The following USP26 variants were observed in gnomAD, a reference collection of about 807,000 sequenced individuals.
USP26 encodes ubiquitin carboxyl-terminal hydrolase 26.
For missense variants in USP26, 649 were observed against 642.3 expected (o/e 1.01, Z -0.11); for synonymous variants, 236 against 240.6 (o/e 0.98, Z 0.18).
chrX:133,060,894 T>C (rs1289665142), intron 5 of USP26, among the ~76,000 whole-genome samples: 1 of 111,962 alleles, frequency 8.9e-6, no homozygotes, highest in Admixed American at 9.5e-5. Flanking sequence ...AGCAAAACTT[T>C]GAATCTTCAG....
chrX:133,028,179 G>A lies in USP26; in HGVS notation c.42C>T (p.Asn14=). ...LFLRGFVQIG[N]CKTGISKSKE... ...TTGACTTAGATATCCCAGTCTTGCA[G>A]TTCCCTATTTGGACAAAACCACGTA... Residue 14 remains asparagine, a synonymous_variant, in exon 6 of 6, where the codon AAC becomes AAT. Transcript: ENST00000511190. The A allele has an allele frequency of 8.3e-7, 1 of 1,209,919 alleles. No individual in the cohort carries two copies. Among genetic ancestry groups the A allele is most frequent in the Non-Finnish European group, 1.1e-6 (1 of 893,980 alleles).
intron 5 of USP26, among the ~76,000 whole-genome samples, chrX:133,064,843 C>G (rs1021545041): frequency 9.0e-6 from 1 of 111,304 alleles, no homozygotes; most frequent in African/African-American, 3.3e-5. Context: ...CAAGCAAATA[C>G]AAAATCTAGC....
intron 5 of USP26, among the ~76,000 whole-genome samples, chrX:133,073,128 T>G (rs939645776): frequency 8.1e-5 from 9 of 111,016 alleles, no homozygotes; most frequent in African/African-American, 2.9e-4. Context: ...ATACTAATTG[T>G]AGCTTTTATT....
intron 5 of USP26, among the ~76,000 whole-genome samples, chrX:133,080,340 G>A (rs1211787014): frequency 9.0e-6 from 1 of 111,296 alleles, no homozygotes; most frequent in East Asian, 2.8e-4. Flanking sequence ...ACAAATGTAA[G>A]GAATTAAAAT....
At chrX:133,035,059 G>T (rs2067391457) in intron 5 of USP26, among the ~76,000 whole-genome samples, 1 of 111,429 alleles carries the variant, frequency 9.0e-6, no homozygotes, top group South Asian at 3.8e-4. Context: ...TGATAGTAGA[G>T]TATGAGAGTC....
rs780857859 is a variant in USP26, at chrX:133,048,774, C to T, written c.-76-20478G>A. On this transcript the variant is annotated intron_variant, in intron 5 of 5. Coordinates refer to ENST00000511190, the MANE Select transcript of USP26 (RefSeq NM_031907.3). ...TGTTAGCCAGGATGGTCTCGATCTC[C>T]TGACCTCATGATCTGCCCGCCTTGG... Among the ~76,000 whole-genome samples the T allele has an allele frequency of 4.6e-5, 5 of 108,742 alleles. No individual in the cohort carries two copies. In the East Asian group the frequency reaches 1.2e-3, roughly 25 times the overall value. The allele number at this position is 108,742 out of a possible 115,157, so 94.4% of individuals were successfully genotyped here.
At chrX:133,063,730 C>T (rs1398315835) in intron 5 of USP26, among the ~76,000 whole-genome samples, 1 of 111,606 alleles carries the variant, frequency 9.0e-6, no homozygotes, top group Non-Finnish European at 1.9e-5. Context: ...CTGAAGGAAG[C>T]ACTAAACATG....
intron 5 of USP26, among the ~76,000 whole-genome samples, chrX:133,067,183 T>G (rs1368568410): frequency 8.9e-6 from 1 of 112,634 alleles, no homozygotes; most frequent in Non-Finnish European, 1.9e-5. Context: ...AGATACCATC[T>G]CACACCAATT....
intron 1 of USP26, among the ~76,000 whole-genome samples, chrX:133,095,583 C>T (rs2067626438): frequency 8.9e-6 from 1 of 111,824 alleles, no homozygotes; most frequent in Non-Finnish European, 1.9e-5. Flanking sequence ...TCATAAGAAA[C>T]CTATGAAGTT....
At position 133,026,887 on chromosome X, in the gene USP26, G is replaced by T; in HGVS notation, c.1334C>A (p.Ser445Tyr). 1 of 1,211,267 alleles carries T rather than the reference G, an allele frequency of 8.3e-7. No individual in the cohort carries two copies. The highest frequency in any genetic ancestry group is 1.8e-5 in the South Asian group (1 of 56,964). The change falls in exon 6 of 6, where the codon TCC becomes TAC. Residue 445 changes from serine (S) to tyrosine (Y), a missense_variant. By Grantham distance (144) the Ser-to-Tyr change is moderately radical. Coordinates refer to ENST00000511190, the MANE Select transcript of USP26 (RefSeq NM_031907.3). ...ITNFELELLH[S>Y]IACKACGQVI... Reference sequence around the variant, plus strand: ...CTGACCACAAGCTTTACAAGCAATGGAGTGCAACAACTCTAACTCAAAATT... The same window carrying T: ...CTGACCACAAGCTTTACAAGCAATGTAGTGCAACAACTCTAACTCAAAATT...
intron 1 of USP26, among the ~76,000 whole-genome samples, chrX:133,093,980 C>CA (rs11327414): frequency 0.017 from 423 of 24,950 alleles, 30 homozygotes; most frequent in East Asian, 0.043. Context: ...GACCCTGTCT[C>CA]AAAAAAAAAA....
intron 5 of USP26, among the ~76,000 whole-genome samples, chrX:133,057,866 A>ATATATACATTTTTTTTTTT (rs1412413450): frequency 1.1e-4 from 1 of 9,329 alleles, no homozygotes; most frequent in African/African-American, 6.6e-4. Context: ...ATATATATAT[A>ATATATACATTTTTTTTTTT]TTTTTTTTTT....
In USP26 at chrX:133,028,188, T is replaced by G; in HGVS notation, c.33A>C (p.Gln11His). The G allele has an allele frequency of 2.5e-6, 3 of 1,209,916 alleles. No individual in the cohort carries two copies. The highest frequency in any genetic ancestry group is 3.4e-6 in the Non-Finnish European group (3 of 893,778). The change falls in exon 6 of 6, where the codon CAA becomes CAC. Residue 11 changes from glutamine to histidine, a missense_variant. Coordinates refer to ENST00000511190, the MANE Select transcript of USP26 (RefSeq NM_031907.3). MAALFLRGFV[Q>H]IGNCKTGISK... ...ATATCCCAGTCTTGCAGTTCCCTAT[T>G]TGGACAAAACCACGTAGGAATAGGG...
chrX:133,054,195 C>T (rs5975373), intron 5 of USP26, among the ~76,000 whole-genome samples: 1 of 111,863 alleles, frequency 8.9e-6, no homozygotes, highest in African/African-American at 3.2e-5. Context: ...TTCAGAGATT[C>T]TCAAGAAGTG....
chrX:133,076,349 C>A (rs544032960), intron 5 of USP26, among the ~76,000 whole-genome samples: 2 of 110,784 alleles, frequency 1.8e-5, no homozygotes, highest in East Asian at 2.9e-4. Context: ...ATTGCATAAT[C>A]TTATGCAATC....
chrX:133,062,991 C>T (rs1008527406), intron 5 of USP26, among the ~76,000 whole-genome samples: 9 of 111,162 alleles, frequency 8.1e-5, no homozygotes, highest in African/African-American at 2.9e-4. Context: ...AAAAAAGTTA[C>T]AGGAACTGCT....
chrX:133,047,037 G>A (rs2067443089), intron 5 of USP26, among the ~76,000 whole-genome samples: 1 of 111,990 alleles, frequency 8.9e-6, no homozygotes, highest in Non-Finnish European at 1.9e-5. Flanking sequence ...GCTACAGAAA[G>A]CGCCCAGCAG....
intron 5 of USP26, among the ~76,000 whole-genome samples, chrX:133,066,251 C>A (rs2067511410): frequency 9.0e-6 from 1 of 111,633 alleles, no homozygotes; most frequent in Non-Finnish European, 1.9e-5. Context: ...AAAAAAATTC[C>A]ACACTCATGG....
chrX:133,069,027 G>A (rs1401581893), intron 5 of USP26, among the ~76,000 whole-genome samples: 2 of 111,276 alleles, frequency 1.8e-5, no homozygotes, highest in Non-Finnish European at 3.8e-5. Flanking sequence ...TTTGTTATTC[G>A]AGATGTTTTT....
Sources: gnomAD v4.1 joint callset for allele counts (sites outside exome capture counted in the v4.1 genomes callset) on GRCh38, gnomAD v4.1.1 for gene constraint, MANE v1.5 for transcripts, NCBI Gene and HGNC (gene_info 2026-07-23, HGNC 2026-07-21) for gene names.